OSBPL10: variants seen among roughly 807,000 people sequenced by gnomAD.
OSBPL10 encodes oxysterol binding protein like 10.
A neutral mutation model predicts 81.7 loss-of-function variants in OSBPL10; 49 were observed. The ratio of observed to expected loss-of-function variants is 0.60; its 90% confidence interval spans 0.48 to 0.76. The LOEUF (loss-of-function observed/expected upper bound fraction) is 0.76, where lower values mean the gene tolerates loss of function less well. Among genes scored for constraint, OSBPL10 ranks in the 30% least tolerant of loss-of-function variants. OSBPL10 has a pLI of 0.00. For missense variants in OSBPL10, 923 were observed against 987.8 expected (o/e 0.93, Z 0.88); for synonymous variants, 419 against 383.6 (o/e 1.09, Z -1.08).
At chr3:31,786,931 TC>T (rs2125783614) in intron 4 of OSBPL10, among the ~76,000 whole-genome samples, 1 of 152,258 alleles carries the variant, frequency 6.6e-6, no homozygotes, top group African/African-American at 2.4e-5. Context: ...CCAGCGCACC[TC>T]CTTATTAGAT....
At position 31,933,677 on chromosome 3, in the gene OSBPL10, C is replaced by T. The variant is rs112110147; in HGVS notation, c.281+47222G>A. 7.1e-3 allele frequency among the ~76,000 whole-genome samples: 1,077 copies of T among 152,088 alleles called. 14 individuals carry two copies. The highest frequency in any genetic ancestry group is 0.024 in the African/African-American group (1,005 of 41,472). ...TTCCCACCTCAGCCTCCCAAAGTGC[C>T]GGGATTACAGGATTGAGCCAGGGCA... On this transcript the variant is annotated intron_variant, in intron 1 of 11. Transcript: ENST00000396556.
At chr3:31,914,916 A>G (rs1277469342) in intron 1 of OSBPL10, among the ~76,000 whole-genome samples, 1 of 152,108 alleles carries the variant, frequency 6.6e-6, no homozygotes, top group Non-Finnish European at 1.5e-5. Context: ...ACTAGAGTAT[A>G]AGCTCCCTGT....
rs141221044 is a variant in OSBPL10, at chr3:31,693,383, T to G, written c.1245+8976A>C. Reference sequence around the variant, plus strand: ...TATGCCTAAGAAGATGTTCACTATATCATCACCTATAACATCAAGAAGCCA... The same window carrying G: ...TATGCCTAAGAAGATGTTCACTATAGCATCACCTATAACATCAAGAAGCCA... On this transcript the variant is annotated intron_variant, in intron 7 of 11. Transcript: ENST00000396556. 6.7e-3 allele frequency among the ~76,000 whole-genome samples: 1,026 copies of G among 152,338 alleles called. 14 individuals are homozygous for G. Among genetic ancestry groups the G allele is most frequent in the African/African-American group, 0.022 (933 of 41,570 alleles).
intron 1 of OSBPL10, among the ~76,000 whole-genome samples, chr3:31,917,336 G>T (rs1696786727): frequency 6.6e-6 from 1 of 152,132 alleles, no homozygotes; most frequent in Admixed American, 6.5e-5. Flanking sequence ...TTAACGAGGT[G>T]TCTTTTGCTA....
chr3:31,981,191 GC>G lies in OSBPL10; in HGVS notation c.-13del. The G allele has an allele frequency of 7.1e-7, 1 of 1,409,454 alleles. No homozygotes were observed. Among genetic ancestry groups the G allele is most frequent in the Admixed American group, 3.4e-5 (1 of 29,644 alleles). 87.3% of individuals were successfully genotyped at this position (1,409,454 alleles called of 1,614,324 possible). A position where few individuals can be genotyped will look rare whatever the true frequency, so the allele number is the denominator to read the frequency against. ...ACTGCCCTCTCCATGGTCCGTGGGCGCCCGGGACGCGGGTGCCCGCCGCGGT... is the reference window on the plus strand; with the variant it reads ...ACTGCCCTCTCCATGGTCCGTGGGCGCCGGGACGCGGGTGCCCGCCGCGGT... On this transcript the variant is annotated 5_prime_UTR_variant, in exon 1 of 12. Transcript: ENST00000396556. This position sits in a 1 kb window ranked among gnomAD's most constrained non-coding sequence, Gnocchi z 4.5.
At chr3:31,784,326 G>T (rs1179731356) in intron 4 of OSBPL10, among the ~76,000 whole-genome samples, 2 of 151,592 alleles carry the variant, frequency 1.3e-5, no homozygotes, top group Non-Finnish European at 2.9e-5. Flanking sequence ...CATGGCCACT[G>T]CACTCCAGCC....
intron 3 of OSBPL10, among the ~76,000 whole-genome samples, chr3:31,870,183 T>G (rs567069850): frequency 6.6e-6 from 1 of 152,304 alleles, no homozygotes; most frequent in East Asian, 1.9e-4. Context: ...GAGTTCCAGG[T>G]GGGCGTGGGC....
intron 1 of OSBPL10, among the ~76,000 whole-genome samples, chr3:31,914,173 G>A (rs1189141061): frequency 2.6e-5 from 4 of 151,864 alleles, no homozygotes; most frequent in Admixed American, 1.3e-4. Flanking sequence ...CACCCACCTC[G>A]GCCTCCCAAA....
chr3:31,722,593 T>C (rs1212798541), intron 6 of OSBPL10, among the ~76,000 whole-genome samples: 2 of 152,136 alleles, frequency 1.3e-5, no homozygotes, highest in East Asian at 3.8e-4. Flanking sequence ...TACATGGAAT[T>C]AGCATCAATC....
chr3:31,845,570 C>T (rs997864828), intron 3 of OSBPL10, among the ~76,000 whole-genome samples: 5 of 152,152 alleles, frequency 3.3e-5, no homozygotes, highest in African/African-American at 1.2e-4. Context: ...TCCTCAACTT[C>T]CTGATAACAT....
intron 2 of OSBPL10, among the ~76,000 whole-genome samples, chr3:32,044,728 C>T (rs950755586): frequency 1.0e-3 from 106 of 102,828 alleles, no homozygotes; most frequent in Admixed American, 5.2e-3. Context: ...GCAACAAGAG[C>T]GAAACTCCAT....
intron 1 of OSBPL10, among the ~76,000 whole-genome samples, chr3:31,933,703 C>T (rs1316300935): frequency 2.0e-5 from 3 of 152,080 alleles, no homozygotes; most frequent in Non-Finnish European, 4.4e-5. Context: ...AGCCAGGGCA[C>T]CCAGCCTCTA....
At chr3:31,974,090 G>A (rs775716772) in intron 1 of OSBPL10, among the ~76,000 whole-genome samples, 17 of 152,090 alleles carry the variant, frequency 1.1e-4, no homozygotes, top group Non-Finnish European at 2.2e-4. Context: ...TAAAAGTCAA[G>A]AAGAAAAAGG....
chr3:31,809,508 A>C (rs1699615477), intron 4 of OSBPL10, among the ~76,000 whole-genome samples: 1 of 152,230 alleles, frequency 6.6e-6, no homozygotes, highest in African/African-American at 2.4e-5. Context: ...TAATGTATAA[A>C]TTTAATGCAC....
chr3:31,793,743 T>A (rs937524287), intron 4 of OSBPL10, among the ~76,000 whole-genome samples: 7 of 152,248 alleles, frequency 4.6e-5, no homozygotes, highest in Non-Finnish European at 8.8e-5. Context: ...GTGAATTTTT[T>A]AAAAACTAGA....
intron 6 of OSBPL10, 187 bp downstream of exon 6, chr3:31,733,070 C>A (rs1697027340): frequency 2.8e-6 from 2 of 705,790 alleles, no homozygotes; most frequent in Middle Eastern, 8.0e-4. Context: ...ACAGCAGCTG[C>A]CAGACACAAG....
chr3:31,780,108 C>A (rs537935075), intron 4 of OSBPL10, among the ~76,000 whole-genome samples: 3 of 152,012 alleles, frequency 2.0e-5, no homozygotes, highest in Non-Finnish European at 4.4e-5. Context: ...CTGGCTAACA[C>A]GGTGAAACCC....
intron 2 of OSBPL10, among the ~76,000 whole-genome samples, chr3:32,001,881 T>C (rs957329935): frequency 1.3e-5 from 2 of 152,168 alleles, no homozygotes; most frequent in Non-Finnish European, 2.9e-5. Context: ...TCCCAACTCT[T>C]GGACAATTTT....
At chr3:31,878,092 G>A (rs1206866218) in intron 2 of OSBPL10, among the ~76,000 whole-genome samples, 2 of 152,032 alleles carry the variant, frequency 1.3e-5, no homozygotes. Flanking sequence ...TTACGCTTTA[G>A]CTAAATTTAG....
Sources: allele counts gnomAD v4.1 joint callset (sites outside exome capture counted in the v4.1 genomes callset), GRCh38; gene constraint gnomAD v4.1.1; non-coding constraint Gnocchi (gnomAD v3.1); transcripts MANE v1.5; gene names NCBI Gene and HGNC (gene_info 2026-07-23, HGNC 2026-07-21).